LRBA: variants seen among roughly 807,000 people sequenced by gnomAD.
LRBA encodes LPS responsive beige-like anchor protein.
A neutral mutation model predicts 330.0 loss-of-function variants in LRBA; 176 were observed. The ratio of observed to expected loss-of-function variants is 0.53; its 90% CI spans 0.47 to 0.60. The LOEUF (loss-of-function observed/expected upper bound fraction) is 0.60. Among genes scored for constraint, LRBA ranks in the 20% least tolerant of loss-of-function variants. The pLI is 0.00. For missense variants in LRBA, 3,259 were observed against 3,444.8 expected (o/e 0.95, Z 1.35); for synonymous variants, 1,230 against 1,193.0 (o/e 1.03, Z -0.64).
At chr4:150,570,815 AT>A (rs1769742830) in intron 40 of LRBA, among the ~76,000 whole-genome samples, 1 of 152,166 alleles carries the variant, frequency 6.6e-6, no homozygotes, top group Non-Finnish European at 1.5e-5. Flanking sequence ...TAATTAAAAA[AT>A]ATTACCTCTT....
intron 35 of LRBA, among the ~76,000 whole-genome samples, chr4:150,759,683 ATT>A (rs1001598832): frequency 6.7e-6 from 1 of 149,110 alleles, no homozygotes; most frequent in African/African-American, 2.5e-5. Context: ...TTTTTTTTTT[ATT>A]GTTTATAATC....
At chr4:150,574,677 T>C (rs772493350) in intron 40 of LRBA, among the ~76,000 whole-genome samples, 4 of 152,068 alleles carry the variant, frequency 2.6e-5, no homozygotes, top group Non-Finnish European at 5.9e-5. Flanking sequence ...ATTTGTATCA[T>C]TCATTTTTAA....
chr4:150,448,006 T>C (rs775427057), intron 44 of LRBA, among the ~76,000 whole-genome samples: 29 of 152,214 alleles, frequency 1.9e-4, no homozygotes, highest in Non-Finnish European at 3.1e-4. Context: ...AAGAAGTCCA[T>C]TAACCATGTA....
At position 150,798,092 on chromosome 4, in the gene LRBA, G is replaced by A. The variant is rs1741061722; in HGVS notation, c.5569C>T (p.Leu1857=). ...SSSVVELVML[L]CSQEWQNSIQ... ...TTCTTGCCACTCACCTGAGAACACA[G>A]TAGCATAACCAATTCCACAACTGAA... The change falls in exon 34 of 57, where the codon CTG becomes TTG. Residue 1857 remains leucine, a synonymous_variant. Transcript: ENST00000651943. The A allele has an allele frequency of 1.2e-6, 2 of 1,605,344 alleles. No individual in the cohort carries two copies. The highest frequency in any genetic ancestry group is 4.5e-5 in the East Asian group (2 of 44,760).
chr4:150,296,792 T>C (rs1247550226), intron 53 of LRBA, among the ~76,000 whole-genome samples: 1 of 152,190 alleles, frequency 6.6e-6, no homozygotes, highest in African/African-American at 2.4e-5. Context: ...GAATTTCTCT[T>C]ACGAAATGAG....
chr4:150,514,949 C>T (rs1762186677), intron 40 of LRBA, among the ~76,000 whole-genome samples: 1 of 152,136 alleles, frequency 6.6e-6, no homozygotes, highest in Admixed American at 6.5e-5. Context: ...TCCCACAGAA[C>T]AGGTTCATAG....
At chr4:150,988,123 A>C (rs965172611) in intron 2 of LRBA, among the ~76,000 whole-genome samples, 1 of 152,152 alleles carries the variant, frequency 6.6e-6, no homozygotes, top group Non-Finnish European at 1.5e-5. Context: ...AGAAAAAAAT[A>C]ATAAAGTCAA....
At chr4:150,833,077 C>T (rs1747436705) in intron 28 of LRBA, among the ~76,000 whole-genome samples, 1 of 151,952 alleles carries the variant, frequency 6.6e-6, no homozygotes, top group East Asian at 1.9e-4. Flanking sequence ...CACCTGACCA[C>T]AAAGGAATTC....
intron 17 of LRBA, among the ~76,000 whole-genome samples, chr4:150,890,632 G>A (rs1393612451): frequency 1.3e-5 from 2 of 152,130 alleles, no homozygotes; most frequent in African/African-American, 4.8e-5. Flanking sequence ...TGATAAAAAG[G>A]TCTAGGTTTT....
chr4:150,320,717 G>A (rs1210620910), intron 50 of LRBA, among the ~76,000 whole-genome samples: 4 of 152,142 alleles, frequency 2.6e-5, no homozygotes, highest in East Asian at 1.9e-4. Flanking sequence ...TGAGGCAGGA[G>A]GATTGCTTGT....
chr4:150,867,954 C>A, intron 21 of LRBA, 91 bp from the exon 22 acceptor site: 1 of 1,078,634 alleles, frequency 9.3e-7, no homozygotes, highest in African/African-American at 1.6e-5. Flanking sequence ...CCCTGCCCCT[C>A]CCTTTCCCCC....
intron 47 of LRBA, among the ~76,000 whole-genome samples, chr4:150,404,958 G>T (rs1745984492): frequency 6.6e-6 from 1 of 152,152 alleles, no homozygotes; most frequent in South Asian, 2.1e-4. Context: ...GGTGTTCAGA[G>T]AATCTAGAAC....
rs1748460224 is a variant in LRBA, at chr4:150,288,596, T to A, written c.8018-2562A>T. Among the ~76,000 whole-genome samples the A allele has an allele frequency of 3.3e-5, 5 of 152,178 alleles. No individual in the cohort carries two copies. In the South Asian group the frequency reaches 1.0e-3, roughly 32 times the overall value. ...AGAGCGAGACTCCGTCTCAAAAAAA[T>A]AATAAAATAAGAAGTTATCAATACT... On this transcript the variant is annotated intron_variant, in intron 53 of 56. Coordinates refer to ENST00000651943, the MANE Select transcript of LRBA (RefSeq NM_001364905.1).
At chr4:150,627,041 T>C (rs962213721) in intron 37 of LRBA, among the ~76,000 whole-genome samples, 1 of 152,144 alleles carries the variant, frequency 6.6e-6, no homozygotes, top group African/African-American at 2.4e-5. Flanking sequence ...TTCAGTCATA[T>C]AGTTTTGTAA....
intron 43 of LRBA, among the ~76,000 whole-genome samples, chr4:150,471,020 GAACTGACGCTAACTCTTCA>G (rs1756060028): frequency 6.6e-6 from 1 of 152,004 alleles, no homozygotes; most frequent in African/African-American, 2.4e-5. Context: ...GTTTCCCAAT[GAACTGACGCTAACTCTTCA>G]AACTGACAAG....
intron 44 of LRBA, among the ~76,000 whole-genome samples, chr4:150,447,162 C>A (rs903560562): frequency 6.6e-6 from 1 of 152,254 alleles, no homozygotes; most frequent in East Asian, 1.9e-4. Flanking sequence ...ACTACCTTCC[C>A]TTTATCAACT....
intron 17 of LRBA, among the ~76,000 whole-genome samples, chr4:150,878,765 C>G (rs538942336): frequency 6.6e-6 from 1 of 151,460 alleles, no homozygotes; most frequent in South Asian, 2.1e-4. Flanking sequence ...CATAGAAACA[C>G]AAAATCAGGA....
At position 150,805,537 on chromosome 4, in the gene LRBA, AG is replaced by A. The variant is rs1742599465; in HGVS notation, c.5518+733del. On this transcript the variant is annotated intron_variant, in intron 33 of 56. Coordinates refer to ENST00000651943, the MANE Select transcript of LRBA (RefSeq NM_001364905.1). ...AGGAAAGGAAAAGGAAAGGAAAGGA[AG>A]GGAGAAGGAAAGGAAAGGAAAGGAA... is the stretch of plus-strand genomic sequence containing the variant. 2.2e-3 allele frequency among the ~76,000 whole-genome samples: 276 copies of A among 123,178 alleles called. 9 individuals are homozygous for A. Among genetic ancestry groups the A allele is most frequent in the African/African-American group, 7.4e-3 (221 of 30,012 alleles). The allele number at this position is 123,178 out of a possible 152,430, so 80.8% of individuals were successfully genotyped here.
intron 40 of LRBA, among the ~76,000 whole-genome samples, chr4:150,492,452 C>CA (rs1759080274): frequency 6.6e-6 from 1 of 152,036 alleles, no homozygotes; most frequent in Admixed American, 6.6e-5. Context: ...AACGAGAGGA[C>CA]AAAAATATGA....
Sources: gnomAD v4.1 joint callset for allele counts (sites outside exome capture counted in the v4.1 genomes callset) on GRCh38, gnomAD v4.1.1 for gene constraint, MANE v1.5 for transcripts, NCBI Gene and HGNC (gene_info 2026-07-23, HGNC 2026-07-21) for gene names.